NLRP4: variants seen among roughly 807,000 people sequenced by gnomAD.
NLRP4 encodes the protein NACHT, LRR and PYD domains-containing protein 4.
NLRP4 carries 44 observed loss-of-function variants against 84.7 expected under a neutral mutation model. The ratio of observed to expected loss-of-function variants is 0.52; its 90% CI spans 0.41 to 0.67. NLRP4 has a LOEUF of 0.67. Among genes scored for constraint, NLRP4 ranks in the 30% least tolerant of loss-of-function variants. The probability of loss-of-function intolerance (pLI) is 0.00; values close to 1 mark genes in which losing one functional copy is unlikely to be tolerated. For synonymous variants in NLRP4, 544 were observed against 476.4 expected (o/e 1.14, Z -1.85); for missense variants, 1,260 against 1,219.4 (o/e 1.03, Z -0.50).
intron 1 of NLRP4, among the ~76,000 whole-genome samples, chr19:55,850,368 T>C (rs1171954411): frequency 2.1e-5 from 1 of 47,416 alleles, no homozygotes. Context: ...CGGTGTAATT[T>C]CCGAGGCTGC....
In NLRP4 at chr19:55,858,551, G is replaced by C. The variant is rs762937068; in HGVS notation, c.1158G>C (p.Glu386Asp). 2 of 1,614,026 alleles carry C rather than the reference G, an allele frequency of 1.2e-6. No homozygotes were observed. Among genetic ancestry groups the C allele is most frequent in the African/African-American group, 1.3e-5 (1 of 74,922 alleles). ...ACCTGTTCACACCTGAGGGTGCCGAGGGCCCGACTCCGCAAACCCAGCACC... is the reference window on the plus strand; with the variant it reads ...ACCTGTTCACACCTGAGGGTGCCGACGGCCCGACTCCGCAAACCCAGCACC... ...VFNLFTPEGA[E>D]GPTPQTQHQL... The change falls in exon 3 of 10, where the codon GAG (glutamate) becomes GAC (aspartate). Residue 386 changes from glutamate to aspartate, a missense_variant. By Grantham distance (45) the Glu-to-Asp change is conservative. This residue lies in a region of NLRP4 where 712 missense variants were observed against 669.2 expected (regional missense o/e 1.06). Transcript: ENST00000301295. The surrounding 1 kb of genome is among the most constrained non-coding windows in gnomAD (Gnocchi z 4.2).
intron 1 of NLRP4, among the ~76,000 whole-genome samples, chr19:55,850,206 TTTCC>T (rs1984021482): frequency 6.8e-6 from 1 of 146,120 alleles, no homozygotes; most frequent in African/African-American, 2.6e-5. Flanking sequence ...TGCGGTGTAA[TTTCC>T]GTGGCTGCGG....
intron 1 of NLRP4, among the ~76,000 whole-genome samples, chr19:55,849,545 C>T (rs916052063): frequency 2.0e-5 from 3 of 152,112 alleles, no homozygotes; most frequent in Non-Finnish European, 4.4e-5. Flanking sequence ...TTCTGTGTCC[C>T]CACATAATAG....
intron 7 of NLRP4, among the ~76,000 whole-genome samples, chr19:55,873,983 G>A (rs950777791): frequency 9.9e-5 from 15 of 151,942 alleles, no homozygotes; most frequent in Non-Finnish European, 1.8e-4. Flanking sequence ...TTTTTTAATG[G>A]TAAAATAAAC....
In NLRP4 at chr19:55,858,116, C is replaced by T. The variant is rs767783431; in HGVS notation, c.723C>T (p.Asn241=). 5.0e-6 allele frequency: 8 copies of T among 1,614,030 alleles called. No homozygotes were observed. The highest frequency in any genetic ancestry group is 1.6e-4 in the Middle Eastern group (1 of 6,084). Residue 241 remains asparagine, a synonymous_variant, in exon 3 of 10, where the codon AAC becomes AAT. Transcript: ENST00000301295. This position sits in a 1 kb window ranked among gnomAD's most constrained non-coding sequence, Gnocchi z 4.2. ...TCGAAGAGCTGCAGGGCGGCTTGAA[C>T]GAACCCGATTCGGATCTGTGTGGTG... ...DSFEELQGGL[N]EPDSDLCGDL...
intron 1 of NLRP4, among the ~76,000 whole-genome samples, chr19:55,839,900 A>G (rs1415729794): frequency 6.6e-6 from 1 of 152,230 alleles, no homozygotes. Context: ...CACTCACTTC[A>G]TATGCAACAT....
At chr19:55,871,271 G>A (rs1318155050) in intron 7 of NLRP4, among the ~76,000 whole-genome samples, 1 of 152,174 alleles carries the variant, frequency 6.6e-6, no homozygotes, top group Non-Finnish European at 1.5e-5. Flanking sequence ...GACCTGAGGG[G>A]CAATTTCATG....
Position 55,839,099 on chromosome 19 carries a change from T to C in NLRP4, c.-66+2165T>C, listed in dbSNP as rs148023716. ...GGTTTTAAGCCCCACATGCATTAGG[T>C]ATTTGTCCTAATGCTCTCCCTCCCC... On this transcript the variant is annotated intron_variant, in intron 1 of 9. Transcript: ENST00000301295. Among the ~76,000 whole-genome samples, 126 of 152,068 alleles carry C rather than the reference T, an allele frequency of 8.3e-4. No homozygotes were observed. In the East Asian group the frequency reaches 0.022, roughly 26 times the overall value.
At chr19:55,844,772 A>C (rs1460504381) in intron 1 of NLRP4, among the ~76,000 whole-genome samples, 1 of 152,174 alleles carries the variant, frequency 6.6e-6, no homozygotes, top group African/African-American at 2.4e-5. Flanking sequence ...TATTTTCAAA[A>C]ACTTCATACT....
chr19:55,868,469 G>A (rs1985048319), intron 6 of NLRP4, among the ~76,000 whole-genome samples: 3 of 151,860 alleles, frequency 2.0e-5, no homozygotes, highest in Admixed American at 2.0e-4. Flanking sequence ...TATACAAAAG[G>A]GGAGAGGACA....
rs114112524 is a variant in NLRP4, at chr19:55,866,811, T to C, written c.2187-898T>C. On this transcript the variant is annotated intron_variant, in intron 5 of 9. Coordinates refer to ENST00000301295, the MANE Select transcript of NLRP4 (RefSeq NM_134444.5). ...TGGGGAGGATCAAACATGAATAATA[T>C]CTTAGAGAATGAAACCTGTGTTGTC... Among the ~76,000 whole-genome samples, 298 of 152,228 alleles carry C rather than the reference T, an allele frequency of 2.0e-3. 2 individuals are homozygous for C. The highest frequency in any genetic ancestry group is 7.1e-3 in the African/African-American group (293 of 41,516).
chr19:55,842,884 C>G (rs971199425), intron 1 of NLRP4, among the ~76,000 whole-genome samples: 1 of 151,984 alleles, frequency 6.6e-6, no homozygotes, highest in Non-Finnish European at 1.5e-5. Flanking sequence ...CTCAGCCTCC[C>G]CAGTAGCTGA....
At position 55,878,834 on chromosome 19, in the gene NLRP4, C is replaced by T. The variant is rs756710938; in HGVS notation, c.2737C>T (p.Leu913Phe). Residue 913 changes from leucine to phenylalanine, a missense_variant, in exon 9 of 10, where the codon CTC becomes TTC. This residue lies in a region of NLRP4 where 544 missense variants were observed against 531.7 expected (regional missense o/e 1.02). Transcript: ENST00000301295. Reference protein sequence around the residue: ...CGLTSTCCKDLASVLTCSKTL... With the variant: ...CGLTSTCCKDFASVLTCSKTL... ...GTTAACGAGCACCTGCTGTAAGGAT[C>T]TCGCGTCTGTTCTCACCTGCAGTAA... is the stretch of plus-strand genomic sequence containing the variant. 6.2e-7 allele frequency: 1 copy of T among 1,613,690 alleles called. No homozygotes were observed. The highest frequency in any genetic ancestry group is 1.7e-5 in the Admixed American group (1 of 59,964).
intron 9 of NLRP4, 26 bp downstream of exon 9, chr19:55,878,990 T>C: frequency 6.3e-7 from 1 of 1,581,964 alleles, no homozygotes; most frequent in Non-Finnish European, 8.6e-7. Context: ...TTGTGCTCTA[T>C]GGGCAGAGTG....
intron 5 of NLRP4, among the ~76,000 whole-genome samples, chr19:55,867,386 A>C (rs1386889945): frequency 6.7e-6 from 1 of 150,286 alleles, no homozygotes; most frequent in African/African-American, 2.5e-5. Flanking sequence ...TATAACTGAG[A>C]CTGTGTGTCT....
intron 1 of NLRP4, among the ~76,000 whole-genome samples, chr19:55,850,998 C>T (rs1468730244): frequency 1.6e-5 from 2 of 124,580 alleles, no homozygotes; most frequent in East Asian, 2.5e-4. Context: ...TACGAGGCTG[C>T]GGTGTAATGT....
chr19:55,859,382 A>G, intron 3 of NLRP4, 133 bp downstream of exon 3: 1 of 690,966 alleles, frequency 1.4e-6, no homozygotes, highest in African/African-American at 1.8e-5. Flanking sequence ...CTCAGCTCAC[A>G]TCCTGGCCCA....
intron 7 of NLRP4, among the ~76,000 whole-genome samples, chr19:55,876,715 A>G (rs957104660): frequency 6.6e-6 from 1 of 152,170 alleles, no homozygotes; most frequent in Non-Finnish European, 1.5e-5. Context: ...ACTGTAAATC[A>G]TCTCTAAGTT....
At chr19:55,876,938 C>A in intron 7 of NLRP4, 58 bp from the exon 8 acceptor site, 1 of 1,424,578 alleles carries the variant, frequency 7.0e-7, no homozygotes, top group Non-Finnish European at 9.6e-7. Flanking sequence ...TGTCTCTTTT[C>A]CTGATATTAG....
Sources: allele counts gnomAD v4.1 joint callset (sites outside exome capture counted in the v4.1 genomes callset), GRCh38; gene constraint gnomAD v4.1.1; regional missense constraint gnomAD v4.1.1; non-coding constraint Gnocchi (gnomAD v3.1); transcripts MANE v1.5; gene names NCBI Gene and HGNC (gene_info 2026-07-23, HGNC 2026-07-21).